Variants in MAGI2 observed in about 807,000 individuals in gnomAD.
MAGI2 encodes membrane associated guanylate kinase, WW and PDZ domain containing 2.
Under a neutral mutation model 133.3 loss-of-function variants are expected in MAGI2, and 35 were observed. The ratio of observed to expected loss-of-function variants is 0.26; its 90% CI spans 0.20 to 0.35. MAGI2 has a LOEUF of 0.35. MAGI2 is among the 10% of genes least tolerant of loss of function. MAGI2 has a pLI of 1.00. For missense variants in MAGI2, 1,636 were observed against 1,863.4 expected (o/e 0.88, Z 2.25); for synonymous variants, 729 against 710.6 (o/e 1.03, Z -0.41).
intron 1 of MAGI2, among the ~76,000 whole-genome samples, chr7:79,159,556 G>A (rs79916355): frequency 0.013 from 1,946 of 149,772 alleles, 44 homozygotes; most frequent in African/African-American, 0.044. Flanking sequence ...AATTATAATA[G>A]CCTTTATACA....
intron 3 of MAGI2, among the ~76,000 whole-genome samples, chr7:78,610,207 T>C (rs913860289): frequency 1.3e-5 from 2 of 152,140 alleles, no homozygotes; most frequent in Admixed American, 6.5e-5. Flanking sequence ...TGTCACCTAG[T>C]TGGATTGTAA....
chr7:78,751,298 A>G (rs1823433784), intron 2 of MAGI2, among the ~76,000 whole-genome samples: 1 of 152,250 alleles, frequency 6.6e-6, no homozygotes. Flanking sequence ...GGCCAGATCA[A>G]TACACATATT....
At chr7:79,240,929 T>C (rs1832354111) in intron 1 of MAGI2, among the ~76,000 whole-genome samples, 2 of 152,250 alleles carry the variant, frequency 1.3e-5, no homozygotes, top group South Asian at 2.1e-4. Context: ...ATCCCATTTG[T>C]TTATTTTTTA....
At chr7:78,202,640 G>A (rs186979906) in intron 10 of MAGI2, among the ~76,000 whole-genome samples, 10 of 123,226 alleles carry the variant, frequency 8.1e-5, no homozygotes, top group South Asian at 2.6e-4. Flanking sequence ...CCAAGATCCC[G>A]CCACTGTACT....
chr7:79,322,207 AT>A (rs1839233460), intron 1 of MAGI2, among the ~76,000 whole-genome samples: 2 of 152,166 alleles, frequency 1.3e-5, no homozygotes. Flanking sequence ...TAGTTTTCCA[AT>A]TTTGCAAATA....
At chr7:78,875,799 C>T (rs192944701) in intron 2 of MAGI2, among the ~76,000 whole-genome samples, 73 of 152,166 alleles carry the variant, frequency 4.8e-4, no homozygotes, top group Non-Finnish European at 6.5e-4. Flanking sequence ...ACTTCAGCAG[C>T]TGGTCTAAAT....
chr7:78,276,323 G>C (rs1795052426), intron 9 of MAGI2, among the ~76,000 whole-genome samples: 1 of 152,022 alleles, frequency 6.6e-6, no homozygotes, highest in African/African-American at 2.4e-5. Flanking sequence ...TTAATTTTTT[G>C]TCTTAGTTTC....
chr7:78,311,927 C>A (rs577101438), intron 9 of MAGI2, among the ~76,000 whole-genome samples: 1 of 152,066 alleles, frequency 6.6e-6, no homozygotes, highest in South Asian at 2.1e-4. Context: ...CGCGCCACCA[C>A]GCCTGGCTAA....
chr7:78,884,581 A>G (rs1413938459), intron 2 of MAGI2, among the ~76,000 whole-genome samples: 1 of 152,168 alleles, frequency 6.6e-6, no homozygotes, highest in Non-Finnish European at 1.5e-5. Context: ...GCCCAACATC[A>G]CTAATCATCA....
intron 1 of MAGI2, among the ~76,000 whole-genome samples, chr7:79,248,002 G>A (rs76545942): frequency 6.6e-6 from 1 of 152,062 alleles, no homozygotes; most frequent in Non-Finnish European, 1.5e-5. Context: ...AAAATGGCAG[G>A]AGTAAGTTCA....
At chr7:79,277,495 G>A (rs1442851798) in intron 1 of MAGI2, among the ~76,000 whole-genome samples, 1 of 151,974 alleles carries the variant, frequency 6.6e-6, no homozygotes, top group Non-Finnish European at 1.5e-5. Flanking sequence ...TCCATGGTGT[G>A]CCTGTATTCA....
chr7:78,428,647 T>C (rs1799508543), intron 6 of MAGI2, among the ~76,000 whole-genome samples: 2 of 152,180 alleles, frequency 1.3e-5, no homozygotes, highest in Admixed American at 6.6e-5. Context: ...GTGCCTTTAC[T>C]TGCTAACTGC....
At chr7:78,422,895 C>T (rs934015995) in intron 6 of MAGI2, among the ~76,000 whole-genome samples, 1 of 152,120 alleles carries the variant, frequency 6.6e-6, no homozygotes, top group Non-Finnish European at 1.5e-5. Context: ...TTTTGCTCTC[C>T]CAAAGAATCA....
At chr7:79,433,916 G>A (rs1234247256) in intron 1 of MAGI2, among the ~76,000 whole-genome samples, 1 of 152,104 alleles carries the variant, frequency 6.6e-6, no homozygotes, top group Non-Finnish European at 1.5e-5. Flanking sequence ...GATTTTCCTT[G>A]ATGGAATAAA....
chr7:78,796,517 A>T (rs892605109), intron 2 of MAGI2, among the ~76,000 whole-genome samples: 2 of 152,316 alleles, frequency 1.3e-5, no homozygotes, highest in South Asian at 2.1e-4. Context: ...AGAAAGGAGG[A>T]TGCTCATACA....
chr7:79,296,232 T>A (rs1585469641), intron 1 of MAGI2, among the ~76,000 whole-genome samples: 1 of 152,296 alleles, frequency 6.6e-6, no homozygotes, highest in East Asian at 1.9e-4. Flanking sequence ...TTATCTAAAG[T>A]TGTAATAGAA....
intron 2 of MAGI2, among the ~76,000 whole-genome samples, chr7:78,949,023 A>T (rs926761886): frequency 2.0e-5 from 3 of 152,220 alleles, no homozygotes; most frequent in East Asian, 1.9e-4. Context: ...TTATAAAAAA[A>T]CTTCAATATT....
At chr7:79,113,958 C>A (rs1204218683) in intron 1 of MAGI2, among the ~76,000 whole-genome samples, 1 of 152,146 alleles carries the variant, frequency 6.6e-6, no homozygotes, top group Non-Finnish European at 1.5e-5. Flanking sequence ...TTTTCTGAAT[C>A]ATTTGAGCAA....
intron 1 of MAGI2, among the ~76,000 whole-genome samples, chr7:79,102,678 T>C (rs565940145): frequency 2.0e-5 from 3 of 152,268 alleles, no homozygotes; most frequent in Non-Finnish European, 2.9e-5. Context: ...AACCTGATCA[T>C]TTGTAAGTAG....
Sources: allele counts gnomAD v4.1 joint callset (sites outside exome capture counted in the v4.1 genomes callset), GRCh38; gene constraint gnomAD v4.1.1; transcripts MANE v1.5; gene names NCBI Gene and HGNC (gene_info 2026-07-23, HGNC 2026-07-21).